The following JUP variants were observed in gnomAD, a reference collection of about 807,000 sequenced individuals.
The protein encoded by JUP is junction plakoglobin, also known as catenin (cadherin-associated protein), gamma 80kDa.
A neutral mutation model predicts 71.1 loss-of-function variants in JUP; 28 were observed. The observed-to-expected ratio is 0.39, with a 90% confidence interval of 0.29 to 0.54. JUP has a LOEUF of 0.54. JUP is among the 20% of genes least tolerant of loss of function. JUP has a pLI of 0.62. For missense variants in JUP, 869 were observed against 1,030.1 expected (o/e 0.84, Z 2.14); for synonymous variants, 401 against 438.9 (o/e 0.91, Z 1.08).
Position 41,782,581 on chromosome 17 carries a change from T to C in JUP, c.-9+4007A>G, listed in dbSNP as rs1350665338. On this transcript the variant is annotated intron_variant, in intron 1 of 13. Coordinates refer to ENST00000393931, the MANE Select transcript of JUP (RefSeq NM_002230.4). ...GCACAGCTTTGACCCCTGCCTCCTCTTTCCCTCTCAACCTCCCCCCAACAC... is the reference window on the plus strand; with the variant it reads ...GCACAGCTTTGACCCCTGCCTCCTCCTTCCCTCTCAACCTCCCCCCAACAC... 9.2e-5 allele frequency among the ~76,000 whole-genome samples: 14 copies of C among 152,016 alleles called. 1 individual carries two copies. The highest frequency in any genetic ancestry group is 9.2e-4 in the Admixed American group (14 of 15,248).
intron 13 of JUP, 98 bp downstream of exon 13, chr17:41,756,077 T>C: frequency 7.3e-7 from 1 of 1,372,886 alleles, no homozygotes. Context: ...CAGTTGCCAC[T>C]GGTCCTCTGG....
chr17:41,774,976 A>G (rs1156898012), intron 1 of JUP, among the ~76,000 whole-genome samples: 1 of 151,898 alleles, frequency 6.6e-6, no homozygotes, highest in Non-Finnish European at 1.5e-5. Flanking sequence ...GGTGGTGTGC[A>G]CCTGTAATCC....
chr17:41,780,406 A>C (rs1162139104), intron 1 of JUP, among the ~76,000 whole-genome samples: 1 of 151,876 alleles, frequency 6.6e-6, no homozygotes, highest in Non-Finnish European at 1.5e-5. Context: ...CAAAAAAAGG[A>C]AAGAAGGCCG....
intron 7 of JUP, 107 bp downstream of exon 7, chr17:41,764,606 G>A: frequency 2.5e-6 from 2 of 811,182 alleles, no homozygotes; most frequent in Non-Finnish European, 4.3e-6. Context: ...AAGGAAGAGA[G>A]ATTTAGAGCC....
Position 41,768,991 on chromosome 17 carries a change from G to C in JUP, c.685C>G (p.Pro229Ala). The C allele has an allele frequency of 6.2e-7, 1 of 1,607,972 alleles. No individual in the cohort carries two copies. Among genetic ancestry groups the C allele is most frequent in the Non-Finnish European group, 8.5e-7 (1 of 1,177,644 alleles). Residue 229 changes from proline to alanine, a missense_variant, in exon 4 of 14, where the codon CCT (proline) becomes GCT (alanine). Coordinates refer to ENST00000393931, the MANE Select transcript of JUP (RefSeq NM_002230.4). The part of the protein sequence containing the change: ...LLAIFKSGGI[P>A]ALVRMLSSPV... ...TACCTGAGCATGCGGACCAGAGCAGGGATGCCACCCGACTTGAAGATGGCG... is the reference window on the plus strand; with the variant it reads ...TACCTGAGCATGCGGACCAGAGCAGCGATGCCACCCGACTTGAAGATGGCG...
chr17:41,784,606 T>C (rs1555611258), intron 1 of JUP, among the ~76,000 whole-genome samples: 2 of 152,186 alleles, frequency 1.3e-5, no homozygotes, highest in East Asian at 3.8e-4. Context: ...TCCCTGCTCC[T>C]GTTGCTCCCC....
intron 1 of JUP, among the ~76,000 whole-genome samples, chr17:41,775,221 A>T (rs1555608301): frequency 6.6e-6 from 1 of 152,170 alleles, no homozygotes; most frequent in African/African-American, 2.4e-5. Context: ...TAGAAATAAA[A>T]AAACAGGATT....
intron 1 of JUP, among the ~76,000 whole-genome samples, chr17:41,775,726 G>GT (rs2046850810): frequency 6.6e-6 from 1 of 152,238 alleles, no homozygotes; most frequent in Non-Finnish European, 1.5e-5. Context: ...ATCAGAGACT[G>GT]TAGGGACAGC....
chr17:41,772,992 C>T, intron 1 of JUP: 2 of 985,538 alleles, frequency 2.0e-6, no homozygotes, highest in Non-Finnish European at 2.4e-6. Flanking sequence ...TCACAGACAC[C>T]GTCATGCTCA....
At chr17:41,780,706 C>A (rs1180347076) in intron 1 of JUP, among the ~76,000 whole-genome samples, 1 of 145,156 alleles carries the variant, frequency 6.9e-6, no homozygotes. Context: ...AAAAACAAAC[C>A]AAAAAAAAAA....
chr17:41,775,019 C>T lies in JUP; in HGVS notation c.-8-3157G>A, dbSNP rs782804651. Among the ~76,000 whole-genome samples, 32 of 151,728 alleles carry T rather than the reference C, an allele frequency of 2.1e-4. 1 individual carries two copies. The highest frequency in any genetic ancestry group is 3.3e-4 in the Admixed American group (5 of 15,202). On this transcript the variant is annotated intron_variant, in intron 1 of 13. Coordinates refer to ENST00000393931, the MANE Select transcript of JUP (RefSeq NM_002230.4). ...TCGGGAGGCTGGGGCGGGAGAATTG[C>T]TTAAACCAGGGAGGTGCATGTTGCA... is the stretch of plus-strand genomic sequence containing the variant.
At chr17:41,773,063 G>C (rs1916911273) in intron 1 of JUP, 1 of 917,932 alleles carries the variant, frequency 1.1e-6, no homozygotes. Flanking sequence ...ACTGAGGTTA[G>C]AAATGGCAGA....
intron 1 of JUP, among the ~76,000 whole-genome samples, chr17:41,784,034 G>A (rs185126266): frequency 6.6e-6 from 1 of 152,186 alleles, no homozygotes; most frequent in East Asian, 1.9e-4. Context: ...CTGAGGCTCA[G>A]GTAATGAGAG....
chr17:41,776,880 C>A (rs2046911679), intron 1 of JUP, among the ~76,000 whole-genome samples: 1 of 152,054 alleles, frequency 6.6e-6, no homozygotes, highest in East Asian at 1.9e-4. Context: ...GTGGTGGGCA[C>A]CTGTAATCCC....
chr17:41,762,990 A>C lies in JUP; in HGVS notation c.1490T>G (p.Leu497Arg), dbSNP rs1327324458. The change falls in exon 8 of 14, where the codon CTG becomes CGG. Residue 497 changes from leucine to arginine, a missense_variant. By Grantham distance (102) the Leu-to-Arg change is moderately radical. Coordinates refer to ENST00000393931, the MANE Select transcript of JUP (RefSeq NM_002230.4). ...CTCGCCTAACAGCAGTACCTTGACC[A>C]GTGGCCACTGGTTGGGCTGGTTGAG... ...KLLNQPNQWP[L>R]VKATIGLIRN... 35 of 1,612,458 alleles carry C rather than the reference A, an allele frequency of 2.2e-5. No homozygotes were observed. The highest frequency in any genetic ancestry group is 2.7e-5 in the African/African-American group (2 of 74,880).
intron 1 of JUP, chr17:41,785,031 TGCCTGAG>T (rs1374706392): frequency 6.6e-6 from 1 of 152,038 alleles, no homozygotes; most frequent in Non-Finnish European, 1.5e-5. Flanking sequence ...GATGCAGCTC[TGCCTGAG>T]AGAGTCTAGC....
chr17:41,759,021 TC>T, intron 8 of JUP, 151 bp from the exon 9 acceptor site: 1 of 743,644 alleles, frequency 1.3e-6, no homozygotes, highest in Non-Finnish European at 2.1e-6. Flanking sequence ...AAGGAGACCA[TC>T]CCAGCCATGT....
At chr17:41,767,114 G>C (rs1427588331) in intron 5 of JUP, among the ~76,000 whole-genome samples, 14 of 151,856 alleles carry the variant, frequency 9.2e-5, no homozygotes, top group African/African-American at 3.4e-4. Context: ...TGACAAGGAT[G>C]TGTACACATC....
intron 1 of JUP, among the ~76,000 whole-genome samples, chr17:41,778,158 T>C (rs1555609289): frequency 6.6e-6 from 1 of 152,216 alleles, no homozygotes; most frequent in African/African-American, 2.4e-5. Context: ...GCCCACTCCC[T>C]GGGGTGTGAT....
Sources: allele counts gnomAD v4.1 joint callset (sites outside exome capture counted in the v4.1 genomes callset), GRCh38; gene constraint gnomAD v4.1.1; transcripts MANE v1.5; gene names NCBI Gene and HGNC (gene_info 2026-07-23, HGNC 2026-07-21).